ABCC3: variants seen among roughly 807,000 people sequenced by gnomAD.
ABCC3 encodes the protein ATP-binding cassette sub-family C member 3.
A neutral mutation model predicts 165.3 loss-of-function variants in ABCC3; 121 were observed. The observed-to-expected ratio is 0.73, with a 90% CI of 0.63 to 0.85. ABCC3 has a LOEUF of 0.85. ABCC3 is among the 40% of genes least tolerant of loss of function. ABCC3 has a pLI of 0.00. For missense variants in ABCC3, 1,869 were observed against 1,964.1 expected (o/e 0.95, Z 0.92); for synonymous variants, 733 against 810.1 (o/e 0.90, Z 1.62).
At chr17:50,660,014 G>A (rs1044151436) in intron 7 of ABCC3, among the ~76,000 whole-genome samples, 4 of 152,082 alleles carry the variant, frequency 2.6e-5, no homozygotes, top group African/African-American at 9.7e-5. Flanking sequence ...TGGAGACACC[G>A]AAGCACAGAA....
chr17:50,655,156 C>T (rs948810055), intron 1 of ABCC3, among the ~76,000 whole-genome samples: 2 of 148,672 alleles, frequency 1.3e-5, no homozygotes, highest in African/African-American at 5.0e-5. Flanking sequence ...GCCTGTAATC[C>T]CAGCACTTTC....
chr17:50,642,316 G>A (rs1966907551), intron 1 of ABCC3, among the ~76,000 whole-genome samples: 1 of 152,226 alleles, frequency 6.6e-6, no homozygotes, highest in Non-Finnish European at 1.5e-5. Context: ...GGGCCTGTGT[G>A]GGCGGGTACC....
intron 26 of ABCC3, among the ~76,000 whole-genome samples, chr17:50,680,631 C>G (rs1329975117): frequency 6.6e-6 from 1 of 152,178 alleles, no homozygotes; most frequent in Admixed American, 6.5e-5. Flanking sequence ...ACCTCCCTCC[C>G]CGGCCAGCCT....
chr17:50,643,530 C>T (rs769770667), intron 1 of ABCC3: 56 of 456,152 alleles, frequency 1.2e-4, no homozygotes, highest in South Asian at 7.7e-4. Flanking sequence ...GCCTGCCCAA[C>T]GTGCCACTGT....
At chr17:50,680,484 TC>T (rs1246124017) in intron 26 of ABCC3, among the ~76,000 whole-genome samples, 2 of 152,140 alleles carry the variant, frequency 1.3e-5, no homozygotes, top group African/African-American at 4.8e-5. Context: ...GTGTCAAGCA[TC>T]CCATCTTTGG....
chr17:50,662,818 G>A (rs936769490), intron 8 of ABCC3, among the ~76,000 whole-genome samples: 5 of 152,104 alleles, frequency 3.3e-5, no homozygotes, highest in Non-Finnish European at 7.3e-5. Context: ...GGGGAGGCCT[G>A]GCTATGATTA....
In ABCC3 at chr17:50,676,304, G is replaced by A; in HGVS notation, c.3094G>A (p.Ala1032Thr). 1.2e-6 allele frequency: 2 copies of A among 1,613,564 alleles called. No homozygotes were observed. Among genetic ancestry groups the A allele is most frequent in the Non-Finnish European group, 1.7e-6 (2 of 1,179,734 alleles). The change falls in exon 23 of 31, where the codon GCC becomes ACC. Residue 1032 changes from alanine (A) to threonine (T), a missense_variant. Coordinates refer to ENST00000285238, the MANE Select transcript of ABCC3 (RefSeq NM_003786.4). ...QGFLVMLAAM[A>T]MAAGGIQAAR... The stretch of plus-strand genomic sequence containing the variant: ...GTTCTTGGTGATGCTGGCAGCCATG[G>A]CCATGGCAGCGGGTGGCATCCAGGC...
At chr17:50,663,388 T>G in intron 8 of ABCC3, 1 of 418,864 alleles carries the variant, frequency 2.4e-6, no homozygotes, top group Non-Finnish European at 4.4e-6. Flanking sequence ...CTTCCCGCCA[T>G]ATGTCAGGAG....
At chr17:50,670,296 T>G (rs1967620575) in intron 17 of ABCC3, among the ~76,000 whole-genome samples, 1 of 151,658 alleles carries the variant, frequency 6.6e-6, no homozygotes, top group African/African-American at 2.4e-5. Flanking sequence ...TTGGCCCATC[T>G]GGTCTTGAAC....
At chr17:50,663,889 T>C (rs759392725) in intron 9 of ABCC3, 31 bp downstream of exon 9, 2 of 1,614,088 alleles carry the variant, frequency 1.2e-6, no homozygotes, top group African/African-American at 2.7e-5. Flanking sequence ...GGGGAAAGGC[T>C]GGCCCTGGGC....
intron 1 of ABCC3, among the ~76,000 whole-genome samples, chr17:50,650,747 A>T (rs1195906939): frequency 1.3e-5 from 2 of 151,758 alleles, no homozygotes; most frequent in East Asian, 3.9e-4. Context: ...GTTTCTAGTA[A>T]TTGTAGCTAC....
At chr17:50,677,712 C>A (rs1266823103) in intron 23 of ABCC3, 32 bp from the exon 24 acceptor site, 4 of 1,603,312 alleles carry the variant, frequency 2.5e-6, no homozygotes, top group South Asian at 1.1e-5. Flanking sequence ...GGTTCCATGG[C>A]CCTGACCCCA....
In ABCC3 at chr17:50,643,666, G is replaced by T. The variant is rs146127472; in HGVS notation, c.45+8685G>T. The stretch of plus-strand genomic sequence containing the variant: ...AGGGTGCTCAAGATGAAGAAGGTGG[G>T]TTTTCAGCCAGGCCTGTCACCCCTC... On this transcript the variant is annotated intron_variant, in intron 1 of 30. Transcript: ENST00000285238. The T allele has an allele frequency of 2.1e-3, 972 of 456,036 alleles. 8 individuals carry two copies. The highest frequency in any genetic ancestry group is 0.016 in the African/African-American group (819 of 50,190). 28.2% of individuals were successfully genotyped at this position (456,036 alleles called of 1,614,324 possible).
Position 50,655,813 on chromosome 17 carries a change from C to T in ABCC3, c.46-19C>T. 1 of 1,612,906 alleles carries T rather than the reference C, an allele frequency of 6.2e-7. No homozygotes were observed. The highest frequency in any genetic ancestry group is 8.5e-7 in the Non-Finnish European group (1 of 1,179,280). On this transcript the variant is annotated intron_variant, in intron 1 of 30. Transcript: ENST00000285238. The stretch of plus-strand genomic sequence containing the variant: ...TCTGTGGGGCTGCCACAGCACTAAA[C>T]TGTTCTCTGTGTCCCCAGGACTCCA...
intron 1 of ABCC3, among the ~76,000 whole-genome samples, chr17:50,636,993 C>A (rs1893845052): frequency 6.6e-6 from 1 of 152,226 alleles, no homozygotes; most frequent in African/African-American, 2.4e-5. Context: ...TTGCCATTGC[C>A]TGGCTGTGAG....
At chr17:50,649,554 A>G (rs988813992) in intron 1 of ABCC3, among the ~76,000 whole-genome samples, 2 of 147,692 alleles carry the variant, frequency 1.4e-5, no homozygotes, top group African/African-American at 5.0e-5. Context: ...TCAGCTTTAT[A>G]CCTGGGTGAC....
intron 29 of ABCC3, 169 bp from the exon 30 acceptor site, chr17:50,687,367 T>C (rs1485950205): frequency 7.9e-6 from 5 of 631,418 alleles, no homozygotes; most frequent in Middle Eastern, 4.3e-4. Flanking sequence ...ATTATCCCAA[T>C]GGTGTCCAGA....
rs749819468 is a variant in ABCC3 at position 50,679,750 on chromosome 17, G to A, written c.3706-48G>A. On this transcript the variant is annotated intron_variant, in intron 25 of 30. Transcript: ENST00000285238. ...TCTGAACTCCTCCCAAAGCCATTAC[G>A]GTGGGGAGGGGAGATCGCCATACGT... 1.5e-5 allele frequency: 23 copies of A among 1,537,242 alleles called. No individual in the cohort carries two copies. In the Admixed American group the frequency reaches 1.7e-4, roughly 11 times the overall value.
chr17:50,681,300 C>T (rs1967924749), intron 26 of ABCC3, among the ~76,000 whole-genome samples: 1 of 152,190 alleles, frequency 6.6e-6, no homozygotes, highest in African/African-American at 2.4e-5. Context: ...CGTGAACTCC[C>T]TCAACCTTCC....
Sources: allele counts gnomAD v4.1 joint callset (sites outside exome capture counted in the v4.1 genomes callset), GRCh38; gene constraint gnomAD v4.1.1; transcripts MANE v1.5; gene names NCBI Gene and HGNC (gene_info 2026-07-23, HGNC 2026-07-21).